PCDHGA2: variants seen among roughly 807,000 people sequenced by gnomAD.
PCDHGA2 encodes protocadherin gamma subfamily A, 2, also known as protocadherin gamma-A2.
In PCDHGA2, 40 loss-of-function variants were observed where a neutral mutation model predicts 59.2. The observed-to-expected ratio is 0.68, with a 90% confidence interval of 0.52 to 0.88. The LOEUF (loss-of-function observed/expected upper bound fraction) is 0.88. Ranked by LOEUF, PCDHGA2 falls within the 40% of genes least tolerant of loss-of-function variation. The pLI is 0.00. For missense variants in PCDHGA2, 1,226 were observed against 1,204.0 expected, an observed-to-expected ratio of 1.02 and a Z score of -0.27; for synonymous variants, 560 against 526.0, an observed-to-expected ratio of 1.06 and a Z score of -0.89.
chr5:141,380,676 T>TA (rs1776652796), intron 1 of PCDHGA2, among the ~76,000 whole-genome samples: 1 of 152,246 alleles, frequency 6.6e-6, no homozygotes, highest in Non-Finnish European at 1.5e-5. Flanking sequence ...ATAGGGTATG[T>TA]ATGCTTTGTG....
At chr5:141,398,896 C>T (rs776008122) in intron 1 of PCDHGA2, 5 of 1,613,946 alleles carry the variant, frequency 3.1e-6, no homozygotes, top group Non-Finnish European at 3.4e-6. Context: ...AAACGTGCCA[C>T]CAGGCACCAC....
chr5:141,478,155 G>A (rs138384601), intron 1 of PCDHGA2: 1 of 1,613,992 alleles, frequency 6.2e-7, no homozygotes, highest in Non-Finnish European at 8.5e-7. Context: ...TTCCCCTCTG[G>A]CTCTGCCCCC....
At chr5:141,413,986 A>G (rs1464771336) in intron 1 of PCDHGA2, 1 of 1,613,554 alleles carries the variant, frequency 6.2e-7, no homozygotes, top group Admixed American at 1.7e-5. Flanking sequence ...AGTCACAGCC[A>G]CCGACAGGGA....
chr5:141,374,554 C>G (rs1412584015), intron 1 of PCDHGA2: 1 of 1,613,560 alleles, frequency 6.2e-7, no homozygotes, highest in African/African-American at 1.3e-5. Flanking sequence ...TAATGGAGGT[C>G]TATGACCCTG....
intron 1 of PCDHGA2, among the ~76,000 whole-genome samples, chr5:141,446,153 AT>A (rs1158236808): frequency 1.3e-5 from 2 of 152,362 alleles, no homozygotes; most frequent in East Asian, 3.9e-4. Flanking sequence ...TAGGTGGAAT[AT>A]AAATTTCATG....
chr5:141,413,352 G>C lies in PCDHGA2; in HGVS notation c.2424+71957G>C, dbSNP rs896091511. ...ACATCTCCAAGGACTTGGGTCTGGC[G>C]CCCCGGGAGCTGGCGGAGCGCGGAG... On this transcript the variant is annotated intron_variant, in intron 1 of 3. Coordinates refer to ENST00000394576, the MANE Select transcript of PCDHGA2 (RefSeq NM_018915.4). 1.9e-6 allele frequency: 3 copies of C among 1,613,858 alleles called. No homozygotes were observed. In the African/African-American group the frequency reaches 4.0e-5, roughly 22 times the overall value.
intron 1 of PCDHGA2, chr5:141,414,831 G>C: frequency 4.3e-6 from 7 of 1,614,212 alleles, no homozygotes; most frequent in Non-Finnish European, 5.9e-6. Flanking sequence ...ACGTGTCGTT[G>C]AGCCTGTTTG....
chr5:141,400,462 G>T lies in PCDHGA2; in HGVS notation c.2424+59067G>T, dbSNP rs141917215. 2.3e-4 allele frequency: 379 copies of T among 1,614,062 alleles called. 2 individuals carry two copies. The African/African-American group carries it at 4.7e-3, about 20-fold the overall frequency. The stretch of plus-strand genomic sequence containing the variant: ...TTCAGGACAAGACATACTTTGTGGT[G>T]ATTCATCTGGGGCCTTATTTCCACT... On this transcript the variant is annotated intron_variant, in intron 1 of 3. Transcript: ENST00000394576.
chr5:141,359,488 T>C (rs1295415918), intron 1 of PCDHGA2, among the ~76,000 whole-genome samples: 2 of 151,294 alleles, frequency 1.3e-5, no homozygotes, highest in Non-Finnish European at 2.9e-5. Context: ...TATATTCATA[T>C]TACGGACTAC....
chr5:141,460,091 A>G (rs2098981847), intron 1 of PCDHGA2, among the ~76,000 whole-genome samples: 1 of 152,002 alleles, frequency 6.6e-6, no homozygotes, highest in Non-Finnish European at 1.5e-5. Flanking sequence ...AATAATAATT[A>G]TACATGTAAT....
In PCDHGA2 at chr5:141,410,160, C is replaced by T. The variant is rs767993789; in HGVS notation, c.2424+68765C>T. ...GCTGTGCGTGACGGTGGACAGCCGC[C>T]ACTCTCTGCCACCGCCACGCTTCAT... On this transcript the variant is annotated intron_variant, in intron 1 of 3. Transcript: ENST00000394576. 100 of 1,613,580 alleles carry T rather than the reference C, an allele frequency of 6.2e-5. No individual in the cohort carries two copies. In the Middle Eastern group the frequency reaches 2.1e-3, roughly 34 times the overall value.
chr5:141,470,054 C>T (rs895181664), intron 1 of PCDHGA2, among the ~76,000 whole-genome samples: 2 of 152,118 alleles, frequency 1.3e-5, no homozygotes, highest in African/African-American at 4.8e-5. Flanking sequence ...GTTTGAACCC[C>T]GGAGGCAGAG....
chr5:141,380,839 A>G (rs377236135), intron 1 of PCDHGA2, among the ~76,000 whole-genome samples: 1 of 152,258 alleles, frequency 6.6e-6, no homozygotes, highest in Non-Finnish European at 1.5e-5. Context: ...CATCAGGTAA[A>G]AATGGATCAA....
intron 1 of PCDHGA2, chr5:141,344,277 G>C: frequency 6.2e-7 from 1 of 1,614,092 alleles, no homozygotes; most frequent in South Asian, 1.1e-5. Context: ...TCCGCAAAGC[G>C]GCAGCTTGGT....
rs770524150 is a variant in PCDHGA2, at chr5:141,340,681, C to T, written c.1710C>T (p.Asp570=). The change falls in exon 1 of 4, where the codon GAC becomes GAT. Residue 570 remains aspartate, a synonymous_variant. Transcript: ENST00000394576. ...PEILYPAFPT[D]GSTGVELAPR... ...TCCTGTACCCTGCCTTCCCCACAGA[C>T]GGTTCCACTGGCGTGGAGCTGGCGC... The T allele has an allele frequency of 9.3e-6, 15 of 1,614,124 alleles. No individual in the cohort carries two copies. In the South Asian group the frequency reaches 1.2e-4, roughly 13 times the overall value.
intron 1 of PCDHGA2, among the ~76,000 whole-genome samples, chr5:141,483,907 C>T (rs545585133): frequency 6.0e-5 from 9 of 151,124 alleles, no homozygotes; most frequent in Non-Finnish European, 1.0e-4. Flanking sequence ...TGGTGTGTTT[C>T]CCACTCAGAT....
At chr5:141,453,201 C>A (rs115660512) in intron 1 of PCDHGA2, among the ~76,000 whole-genome samples, 1 of 152,206 alleles carries the variant, frequency 6.6e-6, no homozygotes, top group South Asian at 2.1e-4. Flanking sequence ...GCAGCCTCAA[C>A]CTCGTGCACT....
chr5:141,440,990 C>T (rs1195325115), intron 1 of PCDHGA2: 2 of 152,172 alleles, frequency 1.3e-5, no homozygotes, highest in African/African-American at 4.8e-5. Flanking sequence ...CCAGAGTACC[C>T]ATATCTAGTT....
chr5:141,408,634 A>C, intron 1 of PCDHGA2: 2 of 1,614,040 alleles, frequency 1.2e-6, no homozygotes, highest in South Asian at 2.2e-5. Flanking sequence ...AAATTTTCGA[A>C]TCTGCATCCG....
Sources: allele counts gnomAD v4.1 joint callset (sites outside exome capture counted in the v4.1 genomes callset), GRCh38; gene constraint gnomAD v4.1.1; transcripts MANE v1.5; gene names NCBI Gene and HGNC (gene_info 2026-07-23, HGNC 2026-07-21).